Variants in AMELY observed in about 807,000 individuals in gnomAD.
AMELY encodes amelogenin, Y isoform.
Under a neutral mutation model 4.2 loss-of-function variants are expected in AMELY, and 4 were observed. The ratio of observed to expected loss-of-function variants is 0.96; its 90% confidence interval spans 0.47 to 2.19. AMELY has a LOEUF of 2.19. Ranked by LOEUF, AMELY falls within the 30% of genes most tolerant of loss-of-function variation. AMELY has a pLI of 0.02. For synonymous variants in AMELY, 11 were observed against 14.7 expected, an observed-to-expected ratio of 0.75 and a Z score of 0.57; for missense variants, 32 against 41.5, an observed-to-expected ratio of 0.77 and a Z score of 0.63.
At chrY:6,908,456 CAAAAAAAAAAAA>C (rs1337838200) in intron 1 of AMELY, among the ~76,000 whole-genome samples, 2 of 1,824 alleles carry the variant, frequency 1.1e-3, no homozygotes, top group African/African-American at 4.7e-3. Context: ...AGTCAGTCTC[CAAAAAAAAAAAA>C]AAAAAAAAAA....
At chrY:6,884,240 A>C in intron 1 of AMELY, among the ~76,000 whole-genome samples, 1 of 22,142 alleles carries the variant, frequency 4.5e-5, no homozygotes, top group Non-Finnish European at 9.8e-5. Context: ...ATTAGAACAC[A>C]TGGACACAGG....
chrY:6,868,297 G>A lies in AMELY; in HGVS notation c.313C>T (p.Pro105Ser). ...RVRQQALMPV[P>S]GQQSMTPTQH... ...GTTGGAGTCATGGATTGCTGGCCAG[G>A]AACAGGCATCAGTGCTTGCTGGCGG... is the stretch of plus-strand genomic sequence containing the variant. Residue 105 changes from proline to serine, a missense_variant, in exon 6 of 7, where the codon CCT (proline) becomes TCT (serine). Transcript: ENST00000651267. 2 of 398,212 alleles carry A rather than the reference G, an allele frequency of 5.0e-6. No homozygotes were observed. Among genetic ancestry groups the A allele is most frequent in the Non-Finnish European group, 7.1e-6 (2 of 283,601 alleles).
intron 1 of AMELY, among the ~76,000 whole-genome samples, chrY:6,877,964 TTG>T (rs749471604): frequency 0.01 from 285 of 28,160 alleles, no homozygotes; most frequent in Non-Finnish European, 0.021. Flanking sequence ...TCTCAAACAA[TTG>T]TGTGTGTGTG....
chrY:6,885,247 A>T, intron 1 of AMELY, among the ~76,000 whole-genome samples: 1 of 32,922 alleles, frequency 3.0e-5, no homozygotes, highest in Non-Finnish European at 7.6e-5. Context: ...TGGGAGGCCA[A>T]GGGGGGCGGA....
Position 6,888,508 on chromosome Y carries a change from G to C in AMELY, c.-112-14437C>G, listed in dbSNP as rs753100090. On this transcript the variant is annotated intron_variant, in intron 1 of 6. Transcript: ENST00000651267. The stretch of plus-strand genomic sequence containing the variant: ...CTGCTGTTTGATGGAAAATTGTAAC[G>C]GGTTCTAAAAAGTTTATGAAAATTT... 2.4e-4 allele frequency among the ~76,000 whole-genome samples: 8 copies of C among 32,744 alleles called. No homozygotes were observed. The South Asian group carries it at 5.5e-3, about 23-fold the overall frequency. The allele number at this position is 32,744 out of a possible 37,273, so 87.8% of individuals were successfully genotyped here. A position where few individuals can be genotyped will look rare whatever the true frequency, so the allele number is the denominator to read the frequency against.
chrY:6,911,196 C>G, intron 1 of AMELY, among the ~76,000 whole-genome samples: 1 of 34,765 alleles, frequency 2.9e-5, no homozygotes, highest in Admixed American at 2.5e-4. Flanking sequence ...TTCCGCTCCC[C>G]CAAAGTGCGT....
chrY:6,897,521 A>T, intron 1 of AMELY, among the ~76,000 whole-genome samples: 1 of 23,965 alleles, frequency 4.2e-5, no homozygotes, highest in Non-Finnish European at 9.2e-5. Flanking sequence ...ACCTCAACTG[A>T]CTCCCCTGCC....
chrY:6,883,997 A>G, intron 1 of AMELY, among the ~76,000 whole-genome samples: 2 of 32,508 alleles, frequency 6.2e-5, no homozygotes, highest in Non-Finnish European at 1.5e-4. Context: ...TTGCATGAGG[A>G]TATGCTTATA....
intron 1 of AMELY, among the ~76,000 whole-genome samples, chrY:6,884,847 C>G: frequency 3.0e-5 from 1 of 32,815 alleles, no homozygotes; most frequent in Non-Finnish European, 7.4e-5. Flanking sequence ...TGACAATGGT[C>G]TAATATTTAG....
At chrY:6,888,541 T>C (rs2054081327) in intron 1 of AMELY, among the ~76,000 whole-genome samples, 1 of 32,917 alleles carries the variant, frequency 3.0e-5, no homozygotes, top group Non-Finnish European at 7.4e-5. Context: ...TTTTACCTTA[T>C]GGTCAAACTA....
chrY:6,866,936 G>A, intron 6 of AMELY, among the ~76,000 whole-genome samples: 3 of 32,166 alleles, frequency 9.3e-5, no homozygotes, highest in Non-Finnish European at 2.3e-4. Flanking sequence ...GATTACAAGT[G>A]TGAGCCACCC....
At chrY:6,866,827 C>T (rs1203826445) in intron 6 of AMELY, among the ~76,000 whole-genome samples, 15 of 28,680 alleles carry the variant, frequency 5.2e-4, no homozygotes, top group Non-Finnish European at 1.1e-3. Flanking sequence ...TTTTTCCCTT[C>T]GTGTTTTTAG....
chrY:6,870,069 G>A lies in AMELY; in HGVS notation c.55-16C>T, dbSNP rs2054066575. On this transcript the variant is annotated splice_polypyrimidine_tract_variant and intron_variant, in intron 3 of 6. Transcript: ENST00000651267. Reference sequence around the variant, plus strand: ...GAGGTGGTAGCTTTTATAGGGAGGAGGGGAGGAGAAGAGAAAGAGAGAGGA... The same window carrying A: ...GAGGTGGTAGCTTTTATAGGGAGGAAGGGAGGAGAAGAGAAAGAGAGAGGA... 2.6e-6 allele frequency: 1 copy of A among 385,440 alleles called. No individual in the cohort carries two copies. The highest frequency in any genetic ancestry group is 7.7e-5 in the Admixed American group (1 of 13,019).
rs1020823061 is a variant in AMELY at position 6,874,037 on chromosome Y, T to G, written c.-78A>C. The G allele has an allele frequency of 9.0e-5, 3 of 33,243 alleles. No homozygotes were observed. Among genetic ancestry groups the G allele is most frequent in the African/African-American group, 3.5e-4 (3 of 8,595 alleles). The allele number at this position is 33,243 out of a possible 400,897, so 8.3% of individuals were successfully genotyped here. A position where few individuals can be genotyped will look rare whatever the true frequency, so the allele number is the denominator to read the frequency against. The stretch of plus-strand genomic sequence containing the variant: ...GGAGGCTTGGTCCTCTAGATTTTCT[T>G]TAACTATGAGCTCAATTTATATCCT... On this transcript the variant is annotated 5_prime_UTR_variant, in exon 2 of 7. Transcript: ENST00000651267.
chrY:6,875,460 G>C (rs2054071321), intron 1 of AMELY, among the ~76,000 whole-genome samples: 1 of 33,215 alleles, frequency 3.0e-5, no homozygotes. Flanking sequence ...CAAGCTAAAA[G>C]GAAGAAAGGT....
At chrY:6,874,529 G>T (rs112773153) in intron 1 of AMELY, among the ~76,000 whole-genome samples, 13 of 33,392 alleles carry the variant, frequency 3.9e-4, no homozygotes, top group Non-Finnish European at 7.4e-4. Context: ...TTTTATGCAT[G>T]ATCTAAAAGG....
At chrY:6,895,712 T>C in intron 1 of AMELY, among the ~76,000 whole-genome samples, 1 of 33,901 alleles carries the variant, frequency 2.9e-5, no homozygotes, top group Non-Finnish European at 7.3e-5. Flanking sequence ...TTGGTTCTTT[T>C]GGCTTAGGAT....
intron 1 of AMELY, among the ~76,000 whole-genome samples, chrY:6,883,875 C>T (rs756809595): frequency 9.3e-5 from 3 of 32,150 alleles, no homozygotes; most frequent in East Asian, 8.4e-4. Context: ...CACTGTGTAG[C>T]GCTCCTGCTT....
At chrY:6,904,711 T>G (rs2011658324) in intron 1 of AMELY, among the ~76,000 whole-genome samples, 1 of 33,046 alleles carries the variant, frequency 3.0e-5, no homozygotes, top group Non-Finnish European at 7.4e-5. Context: ...TACAGCCCAA[T>G]CACATATATA....
Sources: allele counts gnomAD v4.1 joint callset (sites outside exome capture counted in the v4.1 genomes callset), GRCh38; gene constraint gnomAD v4.1.1; transcripts MANE v1.5; gene names NCBI Gene and HGNC (gene_info 2026-07-23, HGNC 2026-07-21).